Variants in CDH13 observed in about 807,000 individuals in gnomAD.
CDH13 encodes the protein cadherin 13.
A neutral mutation model predicts 63.8 loss-of-function variants in CDH13; 24 were observed. The observed-to-expected ratio is 0.38, with a 90% CI of 0.27 to 0.53. The LOEUF is 0.53. Ranked by LOEUF, CDH13 falls within the 20% of genes least tolerant of loss-of-function variation. The probability of loss-of-function intolerance (pLI) is 0.85; values close to 1 mark genes in which losing one functional copy is unlikely to be tolerated. For missense variants in CDH13, 1,049 were observed against 903.1 expected, an observed-to-expected ratio of 1.16 and a Z score of -2.07; for synonymous variants, 503 against 355.3, an observed-to-expected ratio of 1.42 and a Z score of -4.67.
intron 1 of CDH13, among the ~76,000 whole-genome samples, chr16:82,672,173 A>G (rs1913329131): frequency 6.6e-6 from 1 of 152,210 alleles, no homozygotes; most frequent in South Asian, 2.1e-4. Context: ...ATACCTCTTA[A>G]GGCTCAGTGT....
intron 1 of CDH13, among the ~76,000 whole-genome samples, chr16:82,791,983 G>T (rs953965884): frequency 6.6e-6 from 1 of 152,086 alleles, no homozygotes; most frequent in African/African-American, 2.4e-5. Context: ...CGTATCATGG[G>T]GATTACAATT....
chr16:82,848,395 C>T (rs985027830), intron 1 of CDH13, among the ~76,000 whole-genome samples: 3 of 152,212 alleles, frequency 2.0e-5, no homozygotes, highest in South Asian at 2.1e-4. Context: ...CAGCTTTCAC[C>T]TTGACAACTC....
chr16:82,853,534 T>G (rs1199514538), intron 1 of CDH13, among the ~76,000 whole-genome samples: 3 of 152,216 alleles, frequency 2.0e-5, no homozygotes, highest in Non-Finnish European at 4.4e-5. Context: ...GCTTTTCAGC[T>G]TAGAAAACTG....
intron 1 of CDH13, among the ~76,000 whole-genome samples, chr16:82,744,583 A>G (rs1347705717): frequency 2.0e-5 from 3 of 152,006 alleles, no homozygotes; most frequent in African/African-American, 7.2e-5. Flanking sequence ...GTTCCTGTGT[A>G]TCCTGTGTTA....
At position 83,556,459 on chromosome 16, in the gene CDH13, C is replaced by A. The variant is rs969653692; in HGVS notation, c.961-45995C>A. ...GCAAAGCAGGAAACACACATTCTCA[C>A]ATGCGGTGGTCAATCAGCCAAGTAA... On this transcript the variant is annotated intron_variant, in intron 7 of 13. Coordinates refer to ENST00000567109, the MANE Select transcript of CDH13 (RefSeq NM_001257.5). Among the ~76,000 whole-genome samples, 7 of 152,308 alleles carry A rather than the reference C, an allele frequency of 4.6e-5. No homozygotes were observed. The East Asian group carries it at 1.4e-3, about 29-fold the overall frequency.
chr16:82,849,612 A>G (rs527402444), intron 1 of CDH13, among the ~76,000 whole-genome samples: 1 of 152,264 alleles, frequency 6.6e-6, no homozygotes, highest in Non-Finnish European at 1.5e-5. Context: ...AGGCGGATAC[A>G]TTAAATAATA....
chr16:83,547,769 A>C (rs115782034), intron 7 of CDH13, among the ~76,000 whole-genome samples: 1 of 152,116 alleles, frequency 6.6e-6, no homozygotes. Context: ...ATATGCGTGC[A>C]TGGGTCTTTG....
intron 1 of CDH13, among the ~76,000 whole-genome samples, chr16:82,664,666 T>C (rs1912377859): frequency 6.6e-6 from 1 of 152,238 alleles, no homozygotes; most frequent in African/African-American, 2.4e-5. Context: ...TTTTCTGTTT[T>C]ATTTTCAAAG....
chr16:83,046,911 C>G (rs1239792968), intron 3 of CDH13, among the ~76,000 whole-genome samples: 1 of 152,246 alleles, frequency 6.6e-6, no homozygotes, highest in South Asian at 2.1e-4. Flanking sequence ...ACATGAGATC[C>G]AAGAGAGGGC....
At chr16:83,475,950 G>T (rs1485447639) in intron 6 of CDH13, among the ~76,000 whole-genome samples, 2 of 152,072 alleles carry the variant, frequency 1.3e-5, no homozygotes, top group African/African-American at 4.8e-5. Context: ...AAATGATAGC[G>T]ACAATAAGCC....
At chr16:83,032,389 T>C (rs1916447047) in intron 3 of CDH13, 171 bp downstream of exon 3, 4 of 596,082 alleles carry the variant, frequency 6.7e-6, no homozygotes, top group Non-Finnish European at 1.2e-5. Context: ...CAGCGGGAAT[T>C]AATTGATTCA....
At chr16:83,429,723 A>T (rs183850620) in intron 6 of CDH13, among the ~76,000 whole-genome samples, 2 of 152,306 alleles carry the variant, frequency 1.3e-5, no homozygotes, top group African/African-American at 4.8e-5. Flanking sequence ...CTTTTGTAAA[A>T]TACCTTTATA....
chr16:83,699,586 C>G (rs182903091), intron 10 of CDH13, among the ~76,000 whole-genome samples: 2 of 152,268 alleles, frequency 1.3e-5, no homozygotes, highest in East Asian at 1.9e-4. Context: ...CTGTGGCATC[C>G]CATGTCGCCC....
intron 2 of CDH13, among the ~76,000 whole-genome samples, chr16:82,867,164 G>A (rs1489765023): frequency 6.6e-6 from 1 of 152,166 alleles, no homozygotes; most frequent in Admixed American, 6.5e-5. Context: ...TTAAGGCTGA[G>A]CTAGGTGAAA....
intron 2 of CDH13, among the ~76,000 whole-genome samples, chr16:83,027,513 A>G (rs867692647): frequency 5.2e-4 from 79 of 152,224 alleles, no homozygotes; most frequent in African/African-American, 1.9e-3. Context: ...AGAGTGGGTG[A>G]GGTGTGAGCT....
chr16:83,022,829 G>A (rs959397718), intron 2 of CDH13, among the ~76,000 whole-genome samples: 4 of 152,164 alleles, frequency 2.6e-5, no homozygotes, highest in African/African-American at 9.7e-5. Context: ...TATAAGATGT[G>A]AGTGTATAAA....
intron 4 of CDH13, among the ~76,000 whole-genome samples, chr16:83,200,623 T>TA (rs2038998145): frequency 6.6e-6 from 1 of 152,214 alleles, no homozygotes; most frequent in Non-Finnish European, 1.5e-5. Flanking sequence ...CAATTGTGTT[T>TA]ACCCAGGGTC....
At chr16:82,855,410 T>G (rs2039644140) in intron 1 of CDH13, among the ~76,000 whole-genome samples, 1 of 152,226 alleles carries the variant, frequency 6.6e-6, no homozygotes. Context: ...ATATCCAGTT[T>G]CCTGGTCTGG....
intron 3 of CDH13, among the ~76,000 whole-genome samples, chr16:83,111,687 A>T (rs976307613): frequency 6.6e-5 from 10 of 152,240 alleles, no homozygotes; most frequent in Non-Finnish European, 1.2e-4. Context: ...AGTTGAGATG[A>T]GAAGCAGTGA....
Sources: gnomAD v4.1 joint callset for allele counts (sites outside exome capture counted in the v4.1 genomes callset) on GRCh38, gnomAD v4.1.1 for gene constraint, MANE v1.5 for transcripts, NCBI Gene and HGNC (gene_info 2026-07-23, HGNC 2026-07-21) for gene names.